TMCC1: variants seen among roughly 807,000 people sequenced by gnomAD.
The protein encoded by TMCC1 is transmembrane and coiled-coil domain family 1.
TMCC1 carries 15 observed loss-of-function variants against 52.4 expected under a neutral mutation model. The observed-to-expected ratio is 0.29, with a 90% CI of 0.19 to 0.44. The LOEUF (loss-of-function observed/expected upper bound fraction) is 0.44, where lower values mean the gene tolerates loss of function less well. TMCC1 is among the 20% of genes least tolerant of loss of function. TMCC1 has a pLI of 1.00. For missense variants in TMCC1, 503 were observed against 806.0 expected, an observed-to-expected ratio of 0.62 and a Z score of 4.55; for synonymous variants, 279 against 301.9, an observed-to-expected ratio of 0.92 and a Z score of 0.79.
chr3:129,779,653 C>T lies in TMCC1; in HGVS notation c.576+48150G>A, dbSNP rs1454525250. Among the ~76,000 whole-genome samples, 4 of 152,088 alleles carry T rather than the reference C, an allele frequency of 2.6e-5. No individual in the cohort carries two copies. The East Asian group carries it at 7.7e-4, about 29-fold the overall frequency. On this transcript the variant is annotated intron_variant, in intron 4 of 6. Transcript: ENST00000393238. ...CAGACCTTAGCAGATCAAGAGGCCT[C>T]AAGAAAAGGAAATATTATGAAGACA...
chr3:129,866,879 T>C (rs986969691), intron 2 of TMCC1: 3 of 152,220 alleles, frequency 2.0e-5, no homozygotes, highest in Non-Finnish European at 2.9e-5. Flanking sequence ...TGTTTGAAAC[T>C]TGAAATACTT....
intron 4 of TMCC1, among the ~76,000 whole-genome samples, chr3:129,778,482 T>C (rs1465931430): frequency 6.6e-6 from 1 of 152,236 alleles, no homozygotes; most frequent in Non-Finnish European, 1.5e-5. Flanking sequence ...TTGAATTTCA[T>C]AATTCCTATA....
At chr3:129,655,292 C>A (rs558765906) in intron 5 of TMCC1, among the ~76,000 whole-genome samples, 189 bp from the exon 6 acceptor site, 14 of 152,260 alleles carry the variant, frequency 9.2e-5, no homozygotes, top group African/African-American at 2.9e-4. Flanking sequence ...TGTCTCAAGG[C>A]CAAATCACGT....
intron 4 of TMCC1, among the ~76,000 whole-genome samples, chr3:129,694,280 G>A (rs1576472652): frequency 6.6e-6 from 1 of 152,346 alleles, no homozygotes; most frequent in South Asian, 2.1e-4. Flanking sequence ...TGTTGTCTTA[G>A]TAATTGCTCA....
At chr3:129,825,201 C>T (rs1355273687) in intron 4 of TMCC1, among the ~76,000 whole-genome samples, 2 of 152,220 alleles carry the variant, frequency 1.3e-5, no homozygotes, top group African/African-American at 4.8e-5. Context: ...AACAGTACAC[C>T]TGCATTACTA....
chr3:129,878,573 A>T (rs1176767368), intron 2 of TMCC1, among the ~76,000 whole-genome samples: 1 of 152,202 alleles, frequency 6.6e-6, no homozygotes, highest in Non-Finnish European at 1.5e-5. Flanking sequence ...AATAGGCTCC[A>T]AACTAGTATT....
chr3:129,683,849 G>A (rs1005035893), intron 4 of TMCC1, among the ~76,000 whole-genome samples: 1 of 152,094 alleles, frequency 6.6e-6, no homozygotes, highest in Non-Finnish European at 1.5e-5. Flanking sequence ...TCAGACTCCT[G>A]ATACAATCTC....
rs114554412 is a variant in TMCC1, at chr3:129,827,971, T to G, written c.408A>C (p.Gln136His). Reference protein sequence around the residue: ...GKPEAPKGSPQINRKSGQEMT... With the variant: ...GKPEAPKGSPHINRKSGQEMT... The stretch of plus-strand genomic sequence containing the variant: ...TCTCCTGACCAGACTTCCTGTTGAT[T>G]TGGGGACTTCCCTTTGGGGCCTCTG... Residue 136 changes from glutamine to histidine, a missense_variant, in exon 4 of 7, where the codon CAA (glutamine) becomes CAC (histidine). Around this residue, in one of 7 missense-constraint regions of TMCC1, gnomAD observed 217 missense variants for 297.9 expected, o/e 0.73. Coordinates refer to ENST00000393238, the MANE Select transcript of TMCC1 (RefSeq NM_001017395.5). 1.2e-6 allele frequency: 2 copies of G among 1,614,030 alleles called. No individual in the cohort carries two copies. The highest frequency in any genetic ancestry group is 8.5e-7 in the Non-Finnish European group (1 of 1,180,024).
At chr3:129,710,439 A>G (rs1477303230) in intron 4 of TMCC1, among the ~76,000 whole-genome samples, 4 of 152,140 alleles carry the variant, frequency 2.6e-5, no homozygotes, top group Non-Finnish European at 4.4e-5. Flanking sequence ...CTGGGACTAC[A>G]GGTGCAAGCA....
intron 2 of TMCC1, among the ~76,000 whole-genome samples, chr3:129,870,759 C>CAAAAAAAA (rs61673201): frequency 2.8e-4 from 3 of 10,670 alleles, no homozygotes; most frequent in African/African-American, 5.3e-4. Context: ...GACTCCATCT[C>CAAAAAAAA]AAAAAAAAAA....
At chr3:129,668,116 A>G (rs1057328312) in intron 5 of TMCC1, among the ~76,000 whole-genome samples, 2 of 152,208 alleles carry the variant, frequency 1.3e-5, no homozygotes, top group Admixed American at 6.5e-5. Context: ...TGAGCCCAGG[A>G]GGTCGAGGCT....
intron 2 of TMCC1, among the ~76,000 whole-genome samples, chr3:129,845,171 G>C (rs575998373): frequency 7.8e-6 from 1 of 128,836 alleles, no homozygotes; most frequent in Non-Finnish European, 1.6e-5. Context: ...CTCGGCAACA[G>C]AGCAAGTCCC....
In TMCC1 at chr3:129,828,977, T is replaced by C. The variant is rs964628776; in HGVS notation, c.-130-469A>G. On this transcript the variant is annotated intron_variant, in intron 3 of 6. Coordinates refer to ENST00000393238, the MANE Select transcript of TMCC1 (RefSeq NM_001017395.5). This position sits in a 1 kb window ranked among gnomAD's most constrained non-coding sequence, Gnocchi z 4.1. ...ACTCAGTATAATCAAAGAACAACAGTGAGAAATGGATATCCCAATCTAACT... is the reference window on the plus strand; with the variant it reads ...ACTCAGTATAATCAAAGAACAACAGCGAGAAATGGATATCCCAATCTAACT... 6.6e-6 allele frequency among the ~76,000 whole-genome samples: 1 copy of C among 152,192 alleles called. No individual in the cohort carries two copies. The highest frequency in any genetic ancestry group is 6.5e-5 in the Admixed American group (1 of 15,276).
At chr3:129,752,679 C>CAA (rs969879751) in intron 4 of TMCC1, among the ~76,000 whole-genome samples, 2 of 151,766 alleles carry the variant, frequency 1.3e-5, no homozygotes, top group African/African-American at 4.8e-5. Flanking sequence ...CACACACACA[C>CAA]ACAAAAACTA....
chr3:129,865,569 T>G (rs929971899), intron 2 of TMCC1, among the ~76,000 whole-genome samples: 2 of 152,180 alleles, frequency 1.3e-5, no homozygotes, highest in Non-Finnish European at 2.9e-5. Flanking sequence ...CTATAAGGTC[T>G]GTAAGAGCAG....
chr3:129,769,180 T>C (rs1015493738), intron 4 of TMCC1, among the ~76,000 whole-genome samples: 11 of 152,258 alleles, frequency 7.2e-5, no homozygotes, highest in African/African-American at 2.7e-4. Flanking sequence ...TGGCCCAGGA[T>C]GGCTTTGAAT....
At chr3:129,695,678 C>T (rs555412425) in intron 4 of TMCC1, among the ~76,000 whole-genome samples, 1 of 152,260 alleles carries the variant, frequency 6.6e-6, no homozygotes, top group African/African-American at 2.4e-5. Flanking sequence ...CCTCCAACAA[C>T]ACATGGGGAT....
At chr3:129,667,572 GT>G (rs763081543) in intron 5 of TMCC1, among the ~76,000 whole-genome samples, 27 of 152,100 alleles carry the variant, frequency 1.8e-4, no homozygotes, top group Admixed American at 7.9e-4. Context: ...GAAAATTCAA[GT>G]TTTCTTCGTT....
chr3:129,877,650 A>G (rs1009845438), intron 2 of TMCC1, among the ~76,000 whole-genome samples: 20 of 140,474 alleles, frequency 1.4e-4, no homozygotes, highest in Non-Finnish European at 2.6e-4. Flanking sequence ...TTTTTGAGAC[A>G]GAGAGTCTCA....
Sources: allele counts gnomAD v4.1 joint callset (sites outside exome capture counted in the v4.1 genomes callset), GRCh38; gene constraint gnomAD v4.1.1; regional missense constraint gnomAD v4.1.1; non-coding constraint Gnocchi (gnomAD v3.1); transcripts MANE v1.5; gene names NCBI Gene and HGNC (gene_info 2026-07-23, HGNC 2026-07-21).